PDE9A: variants seen among roughly 807,000 people sequenced by gnomAD.
PDE9A encodes phosphodiesterase 9A, also known as high affinity cGMP-specific 3',5'-cyclic phosphodiesterase 9A.
A neutral mutation model predicts 87.4 loss-of-function variants in PDE9A; 60 were observed. That is an observed-to-expected ratio of 0.69 (90% CI 0.56 to 0.85). The LOEUF (loss-of-function observed/expected upper bound fraction) is 0.85, where lower values mean the gene tolerates loss of function less well. Among genes scored for constraint, PDE9A ranks in the 40% least tolerant of loss-of-function variants. The pLI is 0.00. For missense variants in PDE9A, 665 were observed against 779.0 expected, an observed-to-expected ratio of 0.85 and a Z score of 1.74; for synonymous variants, 272 against 279.4, an observed-to-expected ratio of 0.97 and a Z score of 0.27.
chr21:42,722,606 G>A lies in PDE9A; in HGVS notation c.263-9164G>A, dbSNP rs2050643100. 6.6e-6 allele frequency among the ~76,000 whole-genome samples: 1 copy of A among 152,094 alleles called. No individual in the cohort carries two copies. The highest frequency in any genetic ancestry group is 6.6e-5 in the Admixed American group (1 of 15,260). ...ACCTCCCTCAATGCATGGGTCTAGG[G>A]GCCAGCATGTTCTATTGCTAGGGCC... On this transcript the variant is annotated intron_variant, in intron 4 of 19. Transcript: ENST00000291539. The surrounding 1 kb of genome is among the most constrained non-coding windows in gnomAD (Gnocchi z 4.1).
intron 3 of PDE9A, among the ~76,000 whole-genome samples, chr21:42,690,579 C>T (rs2059766297): frequency 6.6e-6 from 1 of 151,914 alleles, no homozygotes; most frequent in African/African-American, 2.4e-5. Context: ...TGTATTTGTC[C>T]CCCAGGCTGG....
chr21:42,753,861 CAAAAAA>C (rs57957426), intron 9 of PDE9A, 123 bp from the exon 10 acceptor site: 44 of 431,768 alleles, frequency 1.0e-4, no homozygotes, highest in Non-Finnish European at 1.3e-4. Context: ...GACTCTATCT[CAAAAAA>C]AAAAAAAAAA....
At chr21:42,700,263 A>G (rs2048276549) in intron 4 of PDE9A, among the ~76,000 whole-genome samples, 1 of 152,138 alleles carries the variant, frequency 6.6e-6, no homozygotes, top group Admixed American at 6.6e-5. Context: ...CTGTGGATGG[A>G]CATTTGGGTT....
At chr21:42,768,947 T>C in intron 16 of PDE9A, 80 bp from the exon 17 acceptor site, 1 of 1,521,430 alleles carries the variant, frequency 6.6e-7, no homozygotes, top group Non-Finnish European at 8.9e-7. Flanking sequence ...AACTGGCGCA[T>C]CTTGTCTTTC....
chr21:42,658,750 A>G (rs1220710285), intron 1 of PDE9A, among the ~76,000 whole-genome samples: 1 of 152,164 alleles, frequency 6.6e-6, no homozygotes, highest in Non-Finnish European at 1.5e-5. Flanking sequence ...CCAGCCTATC[A>G]TCTGTCTGCC....
Position 42,733,398 on chromosome 21 carries a change from C to A in PDE9A, c.540C>A (p.His180Gln). The change falls in exon 7 of 20, where the codon CAC (histidine) becomes CAA (glutamine). Residue 180 changes from histidine to glutamine, a missense_variant. Physicochemically the swap from His to Gln is conservative, Grantham distance 24. Transcript: ENST00000291539. ...AACTGAAAGCTGAAGTTGCAAATCA[C>A]TTGGCTGTCCTAGAGAAACGCGTGG... ...INELKAEVAN[H>Q]LAVLEKRVEL... is the part of the protein sequence containing the mutation. 6.2e-7 allele frequency: 1 copy of A among 1,605,324 alleles called. No homozygotes were observed. Among genetic ancestry groups the A allele is most frequent in the Non-Finnish European group, 8.5e-7 (1 of 1,171,862 alleles).
intron 4 of PDE9A, among the ~76,000 whole-genome samples, chr21:42,712,026 C>A (rs539276634): frequency 5.9e-5 from 9 of 151,882 alleles, no homozygotes; most frequent in African/African-American, 2.2e-4. Context: ...TGTATAGGTT[C>A]TTTTCTTTTC....
chr21:42,696,253 G>A lies in PDE9A; in HGVS notation c.219-2715G>A, dbSNP rs369178772. 7.9e-5 allele frequency among the ~76,000 whole-genome samples: 12 copies of A among 152,254 alleles called. No homozygotes were observed. The East Asian group carries it at 1.2e-3, about 15-fold the overall frequency. On this transcript the variant is annotated intron_variant, in intron 3 of 19. Coordinates refer to ENST00000291539, the MANE Select transcript of PDE9A (RefSeq NM_002606.3). This position sits in a 1 kb window ranked among gnomAD's most constrained non-coding sequence, Gnocchi z 5.1. ...AGTCTCTTGCGTGGGAGAAGTTGCTGGACACGCCTCTCTGGCTCTGTCCCC... is the reference window on the plus strand; with the variant it reads ...AGTCTCTTGCGTGGGAGAAGTTGCTAGACACGCCTCTCTGGCTCTGTCCCC...
chr21:42,672,324 G>T (rs561278145), intron 1 of PDE9A, among the ~76,000 whole-genome samples: 81 of 152,334 alleles, frequency 5.3e-4, no homozygotes, highest in Non-Finnish European at 1.1e-3. Flanking sequence ...GTCTGTCCTC[G>T]TCTGTGGGGG....
chr21:42,741,427 C>T lies in PDE9A; in HGVS notation c.569-2349C>T, dbSNP rs1343539323. 5 of 152,358 alleles carry T rather than the reference C, an allele frequency of 3.3e-5. No homozygotes were observed. The East Asian group carries it at 5.8e-4, about 18-fold the overall frequency. The allele number at this position is 152,358 out of a possible 1,614,324, so 9.4% of individuals were successfully genotyped here. ...TCTTAGTGGTTGGACAAAGACGTCCCGACCTCAGACCTCAGGTACCCTGTG... is the reference window on the plus strand; with the variant it reads ...TCTTAGTGGTTGGACAAAGACGTCCTGACCTCAGACCTCAGGTACCCTGTG... On this transcript the variant is annotated intron_variant, in intron 7 of 19. Coordinates refer to ENST00000291539, the MANE Select transcript of PDE9A (RefSeq NM_002606.3).
intron 4 of PDE9A, among the ~76,000 whole-genome samples, chr21:42,699,553 TC>T (rs1242760559): frequency 0.012 from 1,336 of 114,570 alleles, 13 homozygotes; most frequent in African/African-American, 0.044. Flanking sequence ...TTTTTCTTTT[TC>T]TTTTTTTTTT....
chr21:42,702,392 C>T lies in PDE9A; in HGVS notation c.262+3381C>T, dbSNP rs556671756. ...TTTATATTTCCTGTAAATGCTTATA[C>T]CTCATTATAATTCTGTTTCATGCCA... On this transcript the variant is annotated intron_variant, in intron 4 of 19. Transcript: ENST00000291539. The surrounding 1 kb of genome is among the most constrained non-coding windows in gnomAD (Gnocchi z 4.9). 8.0e-4 allele frequency among the ~76,000 whole-genome samples: 121 copies of T among 152,140 alleles called. No homozygotes were observed. The highest frequency in any genetic ancestry group is 2.7e-3 in the African/African-American group (112 of 41,498).
chr21:42,665,674 C>A (rs1450217751), intron 1 of PDE9A, among the ~76,000 whole-genome samples: 2 of 152,188 alleles, frequency 1.3e-5, no homozygotes, highest in Non-Finnish European at 2.9e-5. Context: ...GTGTCGCGTG[C>A]AGGTGCCTCT....
At chr21:42,684,252 T>A (rs2059322140) in intron 1 of PDE9A, among the ~76,000 whole-genome samples, 1 of 152,218 alleles carries the variant, frequency 6.6e-6, no homozygotes, top group African/African-American at 2.4e-5. Flanking sequence ...CTCCTTGCCT[T>A]CCTCTTCTTC....
chr21:42,655,033 T>TAA (rs1170652881), intron 1 of PDE9A, among the ~76,000 whole-genome samples: 1 of 152,194 alleles, frequency 6.6e-6, no homozygotes, highest in Non-Finnish European at 1.5e-5. Context: ...CATGGGACTG[T>TAA]AACAGCCTCC....
chr21:42,697,138 G>A (rs893223268), intron 3 of PDE9A, among the ~76,000 whole-genome samples: 1 of 152,108 alleles, frequency 6.6e-6, no homozygotes, highest in Non-Finnish European at 1.5e-5. Context: ...CAAGGGGACA[G>A]AGGGCCCTCT....
chr21:42,660,659 TAG>T lies in PDE9A; in HGVS notation c.69+6778_69+6779del, dbSNP rs1032757407. On this transcript the variant is annotated intron_variant, in intron 1 of 19. Coordinates refer to ENST00000291539, the MANE Select transcript of PDE9A (RefSeq NM_002606.3). This position sits in a 1 kb window ranked among gnomAD's most constrained non-coding sequence, Gnocchi z 4.7. Reference sequence around the variant, plus strand: ...AAAAAAAGATTAAAATGGTTAAAAATAGAAAGTGCACAAGCAAGGGTCCATCT... The same window carrying T: ...AAAAAAAGATTAAAATGGTTAAAAATAAAGTGCACAAGCAAGGGTCCATCT... 1.3e-4 allele frequency among the ~76,000 whole-genome samples: 19 copies of T among 149,714 alleles called. No homozygotes were observed. The highest frequency in any genetic ancestry group is 4.7e-4 in the African/African-American group (19 of 40,502).
chr21:42,727,791 G>A (rs2051300840), intron 4 of PDE9A, among the ~76,000 whole-genome samples: 1 of 152,134 alleles, frequency 6.6e-6, no homozygotes, highest in African/African-American at 2.4e-5. Context: ...GTTGTTTGTA[G>A]ATTCATTGGG....
chr21:42,664,733 C>T (rs1015009999), intron 1 of PDE9A, among the ~76,000 whole-genome samples: 1 of 152,250 alleles, frequency 6.6e-6, no homozygotes, highest in African/African-American at 2.4e-5. Flanking sequence ...GTAGCTCCCC[C>T]CATCACCAAC....
Sources: allele counts gnomAD v4.1 joint callset (sites outside exome capture counted in the v4.1 genomes callset), GRCh38; gene constraint gnomAD v4.1.1; non-coding constraint Gnocchi (gnomAD v3.1); transcripts MANE v1.5; gene names NCBI Gene and HGNC (gene_info 2026-07-23, HGNC 2026-07-21).